DDR2: variants seen among roughly 807,000 people sequenced by gnomAD.
DDR2 encodes discoidin domain-containing receptor 2.
In DDR2, 27 loss-of-function variants were observed where a neutral mutation model predicts 94.9. The observed-to-expected ratio is 0.28, with a 90% CI of 0.21 to 0.39. The LOEUF is 0.39. Among genes scored for constraint, DDR2 ranks in the 10% least tolerant of loss-of-function variants. The pLI, the probability that DDR2 is intolerant of heterozygous loss-of-function variation, is 1.00. For synonymous variants in DDR2, 382 were observed against 377.2 expected, an observed-to-expected ratio of 1.01 and a Z score of -0.15; for missense variants, 783 against 1,076.0, an observed-to-expected ratio of 0.73 and a Z score of 3.81.
chr1:162,746,378 A>G (rs1176009339), intron 3 of DDR2, among the ~76,000 whole-genome samples: 1 of 152,182 alleles, frequency 6.6e-6, no homozygotes, highest in African/African-American at 2.4e-5. Context: ...CTGCTAGCAC[A>G]CCAGTCCGAG....
intron 2 of DDR2, among the ~76,000 whole-genome samples, chr1:162,699,369 G>T (rs1660329695): frequency 6.6e-6 from 1 of 152,144 alleles, no homozygotes; most frequent in Admixed American, 6.5e-5. Flanking sequence ...ATTCTGCGTA[G>T]TCTCTGGACA....
At chr1:162,757,374 A>G (rs1663513172) in intron 7 of DDR2, among the ~76,000 whole-genome samples, 1 of 152,194 alleles carries the variant, frequency 6.6e-6, no homozygotes, top group Non-Finnish European at 1.5e-5. Flanking sequence ...TTGAAATGGA[A>G]TTTTAGGCAG....
chr1:162,644,449 T>C (rs1416648686), intron 1 of DDR2, among the ~76,000 whole-genome samples: 1 of 152,218 alleles, frequency 6.6e-6, no homozygotes, highest in Non-Finnish European at 1.5e-5. Context: ...GAAGTTATTA[T>C]AGTTACAAAT....
At chr1:162,651,534 C>G (rs1251669818) in intron 1 of DDR2, among the ~76,000 whole-genome samples, 1 of 152,158 alleles carries the variant, frequency 6.6e-6, no homozygotes, top group Admixed American at 6.5e-5. Flanking sequence ...TTCTTACTAC[C>G]TTACCAACCC....
At chr1:162,746,913 C>A (rs1055092616) in intron 3 of DDR2, among the ~76,000 whole-genome samples, 3 of 152,196 alleles carry the variant, frequency 2.0e-5, no homozygotes, top group Admixed American at 1.3e-4. Context: ...AACAGACCTG[C>A]AGATGAGGGT....
intron 2 of DDR2, among the ~76,000 whole-genome samples, chr1:162,662,602 A>G (rs1658360580): frequency 6.6e-6 from 1 of 152,128 alleles, no homozygotes; most frequent in Non-Finnish European, 1.5e-5. Context: ...GAAATTAGAC[A>G]TATGTTTATT....
rs139659324 is a variant in DDR2, at chr1:162,710,043, G to A, written c.-27-8994G>A. On this transcript the variant is annotated intron_variant, in intron 2 of 17. Transcript: ENST00000367921. ...AGGTGAATGAAGTAATGCAGTCAAT[G>A]TTCTGTGACTCCATTCTGCCCCTGG... Among the ~76,000 whole-genome samples, 334 of 152,302 alleles carry A rather than the reference G, an allele frequency of 2.2e-3. 3 individuals carry two copies. Among genetic ancestry groups the A allele is most frequent in the African/African-American group, 7.7e-3 (319 of 41,552 alleles).
intron 2 of DDR2, among the ~76,000 whole-genome samples, chr1:162,697,253 A>T (rs1333715245): frequency 1.3e-5 from 2 of 151,324 alleles, no homozygotes; most frequent in African/African-American, 4.9e-5. Context: ...AAAAAAAAAT[A>T]AGGCTTGCCA....
chr1:162,688,841 C>G (rs1457000811), intron 2 of DDR2, among the ~76,000 whole-genome samples: 6 of 152,182 alleles, frequency 3.9e-5, no homozygotes, highest in Non-Finnish European at 7.3e-5. Flanking sequence ...CCCAGTGTGT[C>G]CCTTGGCACC....
chr1:162,664,716 G>A (rs1163014065), intron 2 of DDR2, among the ~76,000 whole-genome samples: 1 of 152,028 alleles, frequency 6.6e-6, no homozygotes, highest in Non-Finnish European at 1.5e-5. Context: ...GACCATTTTT[G>A]TTTCCTTATG....
chr1:162,768,765 T>C (rs2102177049), intron 11 of DDR2, among the ~76,000 whole-genome samples: 1 of 152,334 alleles, frequency 6.6e-6, no homozygotes, highest in South Asian at 2.1e-4. Context: ...CCCACAAGTA[T>C]GTCTACCAGT....
At chr1:162,650,626 A>C (rs1657641255) in intron 1 of DDR2, among the ~76,000 whole-genome samples, 1 of 151,960 alleles carries the variant, frequency 6.6e-6, no homozygotes, top group African/African-American at 2.4e-5. Flanking sequence ...ATAAATAACT[A>C]TGTGCTCCTG....
chr1:162,675,382 C>T (rs1659078571), intron 2 of DDR2, among the ~76,000 whole-genome samples: 1 of 152,062 alleles, frequency 6.6e-6, no homozygotes, highest in African/African-American at 2.4e-5. Context: ...GACATGTGCT[C>T]AATTCTGTGA....
intron 6 of DDR2, 81 bp from the exon 7 acceptor site, chr1:162,755,583 T>G: frequency 7.4e-7 from 1 of 1,357,892 alleles, no homozygotes; most frequent in Non-Finnish European, 1.1e-6. Flanking sequence ...CTGTGCAAGC[T>G]TATACCCTTG....
intron 3 of DDR2, among the ~76,000 whole-genome samples, chr1:162,740,009 G>C (rs993248373): frequency 6.6e-6 from 1 of 150,534 alleles, no homozygotes; most frequent in Non-Finnish European, 1.5e-5. Context: ...GAGGGAGTCT[G>C]TATTTTACTC....
At chr1:162,720,844 G>T (rs1661386664) in intron 3 of DDR2, among the ~76,000 whole-genome samples, 1 of 151,998 alleles carries the variant, frequency 6.6e-6, no homozygotes, top group African/African-American at 2.4e-5. Flanking sequence ...ATAGCATAAG[G>T]GTACATTTGT....
intron 7 of DDR2, among the ~76,000 whole-genome samples, chr1:162,756,710 T>A (rs575631447): frequency 6.6e-6 from 1 of 152,202 alleles, no homozygotes; most frequent in South Asian, 2.1e-4. Context: ...ACTATTGCCC[T>A]CTAGCTGCCA....
intron 7 of DDR2, among the ~76,000 whole-genome samples, chr1:162,759,188 T>A (rs1275403066): frequency 6.6e-6 from 1 of 152,226 alleles, no homozygotes; most frequent in Non-Finnish European, 1.5e-5. Flanking sequence ...TATTTAAATT[T>A]AGAGCTTGTA....
intron 3 of DDR2, among the ~76,000 whole-genome samples, chr1:162,750,284 C>A (rs1215874256): frequency 3.3e-5 from 5 of 152,202 alleles, no homozygotes; most frequent in Non-Finnish European, 5.9e-5. Context: ...TGATCAGCAA[C>A]TTCAGCAAAG....
Sources: gnomAD v4.1 joint callset for allele counts (sites outside exome capture counted in the v4.1 genomes callset) on GRCh38, gnomAD v4.1.1 for gene constraint, MANE v1.5 for transcripts, NCBI Gene and HGNC (gene_info 2026-07-23, HGNC 2026-07-21) for gene names.